The following NLGN4Y variants were observed in gnomAD, a reference collection of about 807,000 sequenced individuals.
NLGN4Y encodes the protein neuroligin 4 Y-linked, also known as neuroligin-4, Y-linked.
In NLGN4Y, 4 loss-of-function variants were observed where a neutral mutation model predicts 8.4. The observed-to-expected ratio is 0.48, with a 90% CI of 0.23 to 1.09. The LOEUF (loss-of-function observed/expected upper bound fraction) is 1.09. Among genes scored for constraint, NLGN4Y ranks in the 50% least tolerant of loss-of-function variants. The pLI is 0.19. For missense variants in NLGN4Y, 90 were observed against 192.3 expected (o/e 0.47, Z 3.15); for synonymous variants, 35 against 75.6 (o/e 0.46, Z 2.78).
At chrY:14,630,072 A>G in intron 2 of NLGN4Y, among the ~76,000 whole-genome samples, 1 of 33,643 alleles carries the variant, frequency 3.0e-5, no homozygotes, top group Non-Finnish European at 7.3e-5. Flanking sequence ...GACTTCTTCA[A>G]TACTCTGCCT....
chrY:14,595,121 G>C, intron 1 of NLGN4Y, among the ~76,000 whole-genome samples: 1 of 33,442 alleles, frequency 3.0e-5, no homozygotes, highest in Non-Finnish European at 7.4e-5. Flanking sequence ...GTACCTATCA[G>C]GATCATCTGA....
intron 1 of NLGN4Y, among the ~76,000 whole-genome samples, chrY:14,614,163 G>C (rs2080479119): frequency 2.9e-5 from 1 of 33,979 alleles, no homozygotes; most frequent in Non-Finnish European, 7.3e-5. Flanking sequence ...TTGTGGTTTT[G>C]ATTTGTGTTT....
chrY:14,779,593 G>T (rs2081139809), intron 4 of NLGN4Y, among the ~76,000 whole-genome samples: 1 of 33,139 alleles, frequency 3.0e-5, no homozygotes, highest in Non-Finnish European at 7.4e-5. Context: ...TTCCAGACTT[G>T]CCAGTTCCCA....
At chrY:14,834,695 T>A in intron 6 of NLGN4Y, among the ~76,000 whole-genome samples, 1 of 34,027 alleles carries the variant, frequency 2.9e-5, no homozygotes, top group Non-Finnish European at 7.3e-5. Context: ...AGTTATTTGC[T>A]TATTGTAAAC....
At chrY:14,637,861 TG>T (rs2080572431) in intron 2 of NLGN4Y, among the ~76,000 whole-genome samples, 3 of 26,210 alleles carry the variant, frequency 1.1e-4, no homozygotes, top group East Asian at 9.9e-4. Context: ...TTTTTTTTTT[TG>T]TGTGTGTGTG....
At chrY:14,590,120 G>A (rs2080363337) in intron 1 of NLGN4Y, among the ~76,000 whole-genome samples, 1 of 34,380 alleles carries the variant, frequency 2.9e-5, no homozygotes, top group Non-Finnish European at 7.3e-5. Context: ...AACTCCAGCT[G>A]GCCCACAAGT....
At chrY:14,823,678 A>G (rs2043132253) in intron 4 of NLGN4Y, among the ~76,000 whole-genome samples, 1 of 33,659 alleles carries the variant, frequency 3.0e-5, no homozygotes, top group Admixed American at 2.7e-4. Context: ...CATAATGTCA[A>G]CTTAACAATA....
At chrY:14,826,963 G>C (rs2043150317) in intron 5 of NLGN4Y, among the ~76,000 whole-genome samples, 1 of 33,309 alleles carries the variant, frequency 3.0e-5, no homozygotes, top group Admixed American at 2.7e-4. Flanking sequence ...GTAACTGCAG[G>C]ACTTTCTTCA....
chrY:14,693,062 G>A (rs2150538047), intron 2 of NLGN4Y, among the ~76,000 whole-genome samples: 1 of 32,915 alleles, frequency 3.0e-5, no homozygotes, highest in Non-Finnish European at 7.5e-5. Context: ...GTATTGCTGT[G>A]TTGCCCAGGA....
At chrY:14,668,602 T>C in intron 2 of NLGN4Y, among the ~76,000 whole-genome samples, 1 of 33,096 alleles carries the variant, frequency 3.0e-5, no homozygotes, top group Non-Finnish European at 7.4e-5. Context: ...GAGGAAAATC[T>C]GAAAGGTGTT....
chrY:14,791,271 C>A (rs1603504081), intron 4 of NLGN4Y, among the ~76,000 whole-genome samples: 1 of 33,133 alleles, frequency 3.0e-5, no homozygotes, highest in East Asian at 8.1e-4. Flanking sequence ...GAACTTGAAC[C>A]CAAATTTTAA....
At chrY:14,534,513 CA>C in intron 1 of NLGN4Y, among the ~76,000 whole-genome samples, 1 of 33,569 alleles carries the variant, frequency 3.0e-5, no homozygotes, top group South Asian at 6.6e-4. Flanking sequence ...TCCATTGACA[CA>C]GAGCAGAAAG....
intron 4 of NLGN4Y, among the ~76,000 whole-genome samples, chrY:14,731,787 G>A: frequency 3.0e-5 from 1 of 33,363 alleles, no homozygotes; most frequent in Non-Finnish European, 7.4e-5. Flanking sequence ...GTGAGATAAG[G>A]CAGTGATTGG....
At chrY:14,628,765 C>T in intron 2 of NLGN4Y, among the ~76,000 whole-genome samples, 1 of 32,494 alleles carries the variant, frequency 3.1e-5, no homozygotes. Context: ...TCTGTCAGTG[C>T]CATATAATAA....
chrY:14,717,193 A>G (rs746970736), intron 2 of NLGN4Y, among the ~76,000 whole-genome samples: 5 of 33,557 alleles, frequency 1.5e-4, no homozygotes, highest in Admixed American at 1.3e-3. Context: ...GGAGATAGAG[A>G]CCATCCTGGC....
chrY:14,739,048 G>A (rs1603503373), intron 4 of NLGN4Y, among the ~76,000 whole-genome samples: 2 of 32,184 alleles, frequency 6.2e-5, no homozygotes, highest in Non-Finnish European at 1.5e-4. Context: ...TACCACCAGA[G>A]GCCCCCTCTT....
intron 4 of NLGN4Y, among the ~76,000 whole-genome samples, chrY:14,781,371 G>A (rs2042943787): frequency 3.0e-5 from 1 of 33,653 alleles, no homozygotes; most frequent in Admixed American, 2.7e-4. Context: ...TGTAGCTACA[G>A]CAATCTAAGA....
chrY:14,548,137 T>C, intron 1 of NLGN4Y, among the ~76,000 whole-genome samples: 2 of 33,149 alleles, frequency 6.0e-5, no homozygotes, highest in Admixed American at 2.8e-4. Context: ...AGGCATTTTT[T>C]TTAACCTGAA....
intron 2 of NLGN4Y, among the ~76,000 whole-genome samples, chrY:14,628,425 T>A: frequency 3.0e-5 from 1 of 33,819 alleles, no homozygotes; most frequent in African/African-American, 1.2e-4. Flanking sequence ...AGACGTGACA[T>A]GGACATTGAC....
Sources: gnomAD v4.1 joint callset for allele counts (sites outside exome capture counted in the v4.1 genomes callset) on GRCh38, gnomAD v4.1.1 for gene constraint, MANE v1.5 for transcripts, NCBI Gene and HGNC (gene_info 2026-07-23, HGNC 2026-07-21) for gene names.